The following EIF4G3 variants were observed in gnomAD, a reference collection of about 807,000 sequenced individuals.
EIF4G3 encodes eukaryotic translation initiation factor 4 gamma 3.
In EIF4G3, 34 loss-of-function variants were observed where a neutral mutation model predicts 186.4. The ratio of observed to expected loss-of-function variants is 0.18; its 90% CI spans 0.14 to 0.24. EIF4G3 has a LOEUF of 0.24. Among genes scored for constraint, EIF4G3 ranks in the 10% least tolerant of loss-of-function variants. The probability of loss-of-function intolerance (pLI) is 1.00; values close to 1 mark genes in which losing one functional copy is unlikely to be tolerated. For missense variants in EIF4G3, 1,536 were observed against 1,948.5 expected (o/e 0.79, Z 3.99); for synonymous variants, 673 against 679.5 (o/e 0.99, Z 0.15).
intron 10 of EIF4G3, among the ~76,000 whole-genome samples, chr1:20,977,421 G>C (rs192841323): frequency 6.6e-6 from 1 of 151,898 alleles, no homozygotes. Flanking sequence ...TCCTGACCTC[G>C]GGTGATCCAC....
At chr1:21,131,128 T>C (rs2097143973) in intron 2 of EIF4G3, among the ~76,000 whole-genome samples, 1 of 151,384 alleles carries the variant, frequency 6.6e-6, no homozygotes. Context: ...TAATCCCAGC[T>C]ACTCAGGAGG....
intron 2 of EIF4G3, among the ~76,000 whole-genome samples, chr1:21,108,194 T>C (rs1354724640): frequency 6.6e-6 from 1 of 152,104 alleles, no homozygotes; most frequent in Admixed American, 6.5e-5. Context: ...TTTGAAAGAA[T>C]AAACAAAGAA....
At chr1:20,844,394 A>C (rs371009059) in intron 29 of EIF4G3, among the ~76,000 whole-genome samples, 29 of 152,168 alleles carry the variant, frequency 1.9e-4, no homozygotes, top group African/African-American at 6.3e-4. Flanking sequence ...TTTCTCTAAT[A>C]ATCAGTGATA....
rs540859061 is a variant in EIF4G3, at chr1:20,887,660, A to C, written c.2254-1289T>G. 3.6e-4 allele frequency among the ~76,000 whole-genome samples: 55 copies of C among 152,184 alleles called. 1 individual carries two copies. The highest frequency in any genetic ancestry group is 1.3e-3 in the Admixed American group (20 of 15,288). On this transcript the variant is annotated intron_variant, in intron 18 of 36. Transcript: ENST00000602326. ...ATTATTTGATAAACATTAAAAAAAA[A>C]AAACAAACAGGTCAGATAAACCCAG... is the stretch of plus-strand genomic sequence containing the variant.
intron 2 of EIF4G3, among the ~76,000 whole-genome samples, chr1:21,109,453 C>T (rs1318697215): frequency 6.6e-6 from 1 of 152,058 alleles, no homozygotes; most frequent in African/African-American, 2.4e-5. Flanking sequence ...CAGACGAGCA[C>T]AGGCAACCTA....
intron 10 of EIF4G3, among the ~76,000 whole-genome samples, chr1:20,977,272 C>T (rs1212545007): frequency 6.6e-6 from 1 of 151,890 alleles, no homozygotes; most frequent in African/African-American, 2.4e-5. Context: ...CTGCAACCTC[C>T]GCCTCCTGGG....
rs1321111855 is a variant in EIF4G3 at position 21,030,899 on chromosome 1, G to A, written c.-67+19967C>T. 2.0e-5 allele frequency among the ~76,000 whole-genome samples: 3 copies of A among 152,044 alleles called. No individual in the cohort carries two copies. In the East Asian group the frequency reaches 5.8e-4, roughly 29 times the overall value. On this transcript the variant is annotated intron_variant, in intron 4 of 36. Coordinates refer to ENST00000602326, the MANE Select transcript of EIF4G3 (RefSeq NM_001391906.1). ...GGAGGCAAAGAATGGGAAGAAAAAAGGATCAGCCGGGTGTGGTGGCTCATG... is the reference window on the plus strand; with the variant it reads ...GGAGGCAAAGAATGGGAAGAAAAAAAGATCAGCCGGGTGTGGTGGCTCATG...
intron 2 of EIF4G3, among the ~76,000 whole-genome samples, chr1:21,115,667 T>C (rs1329983407): frequency 6.6e-6 from 1 of 152,184 alleles, no homozygotes; most frequent in Admixed American, 6.5e-5. Context: ...GATATACAGC[T>C]CTCTGTATAC....
At chr1:21,126,330 C>T (rs535930864) in intron 2 of EIF4G3, among the ~76,000 whole-genome samples, 16 of 151,380 alleles carry the variant, frequency 1.1e-4, no homozygotes, top group African/African-American at 3.9e-4. Context: ...CTCTTAACCA[C>T]AATACTACAT....
At position 21,083,349 on chromosome 1, in the gene EIF4G3, A is replaced by AT. The variant is rs1009016944; in HGVS notation, c.-196+5788dup. 5.5e-3 allele frequency among the ~76,000 whole-genome samples: 822 copies of AT among 148,880 alleles called. 7 individuals are homozygous for AT. Among genetic ancestry groups the AT allele is most frequent in the African/African-American group, 0.018 (745 of 40,778 alleles). On this transcript the variant is annotated intron_variant, in intron 3 of 36. Transcript: ENST00000602326. Reference sequence around the variant, plus strand: ...TAAAACATAATATATACACAAACACATTTTTTTTTTGGAGACAACGGTTTC... The same window carrying AT: ...TAAAACATAATATATACACAAACACATTTTTTTTTTTGGAGACAACGGTTTC...
intron 3 of EIF4G3, among the ~76,000 whole-genome samples, chr1:21,068,375 TAAAAAAAAAAAA>T (rs869306512): frequency 3.5e-4 from 24 of 67,834 alleles, no homozygotes; most frequent in South Asian, 6.4e-4. Flanking sequence ...ACTCTGTCTT[TAAAAAAAAAAAA>T]AAAAAAAAAA....
chr1:20,977,154 C>G (rs1021958511), intron 10 of EIF4G3, among the ~76,000 whole-genome samples: 2 of 150,714 alleles, frequency 1.3e-5, no homozygotes, highest in Non-Finnish European at 2.9e-5. Context: ...GGGAGAGAAA[C>G]TGGCTATTTC....
chr1:20,900,524 A>AG (rs1334093868), intron 15 of EIF4G3, among the ~76,000 whole-genome samples: 8 of 147,608 alleles, frequency 5.4e-5, no homozygotes, highest in Admixed American at 2.1e-4. Context: ...AAAAAAAAAA[A>AG]AGAGAGAGAG....
In EIF4G3 at chr1:20,933,547, CAG is replaced by C. The variant is rs560769130; in HGVS notation, c.1663+7942_1663+7943del. On this transcript the variant is annotated intron_variant, in intron 14 of 36. Coordinates refer to ENST00000602326, the MANE Select transcript of EIF4G3 (RefSeq NM_001391906.1). Reference sequence around the variant, plus strand: ...GTGCGCACCTGTAATCCCAGCTACTCAGGGGGCTGAGGGAGGAGAATCACTTG... The same window carrying C: ...GTGCGCACCTGTAATCCCAGCTACTCGGGGCTGAGGGAGGAGAATCACTTG... Among the ~76,000 whole-genome samples the C allele has an allele frequency of 5.7e-3, 869 of 152,064 alleles. 8 individuals carry two copies. The highest frequency in any genetic ancestry group is 7.6e-3 in the Non-Finnish European group (519 of 67,966).
chr1:20,843,793 G>C (rs548850084), intron 29 of EIF4G3, among the ~76,000 whole-genome samples: 3 of 152,036 alleles, frequency 2.0e-5, no homozygotes, highest in Non-Finnish European at 2.9e-5. Context: ...TCCTGATCCT[G>C]TCTCTCTCCT....
intron 3 of EIF4G3, 48 bp from the exon 4 acceptor site, chr1:21,051,042 T>A (rs750374656): frequency 1.4e-6 from 1 of 713,486 alleles, no homozygotes. Flanking sequence ...AGTAAATCAA[T>A]CTTAATAAAT....
intron 3 of EIF4G3, among the ~76,000 whole-genome samples, chr1:21,075,015 CA>C (rs1315816971): frequency 6.6e-6 from 1 of 150,978 alleles, no homozygotes. Context: ...ATCAGATACA[CA>C]AAGAAGAAAG....
At chr1:20,974,214 C>T (rs564440839) in intron 10 of EIF4G3, among the ~76,000 whole-genome samples, 3 of 152,300 alleles carry the variant, frequency 2.0e-5, no homozygotes, top group Non-Finnish European at 2.9e-5. Context: ...GTATGAGTTA[C>T]AGTTATCCAT....
At chr1:21,091,918 T>A (rs1477481601) in intron 2 of EIF4G3, among the ~76,000 whole-genome samples, 1 of 152,206 alleles carries the variant, frequency 6.6e-6, no homozygotes, top group East Asian at 1.9e-4. Flanking sequence ...TTTCTAAATA[T>A]ACAATCACGT....
Sources: gnomAD v4.1 joint callset for allele counts (sites outside exome capture counted in the v4.1 genomes callset) on GRCh38, gnomAD v4.1.1 for gene constraint, MANE v1.5 for transcripts, NCBI Gene and HGNC (gene_info 2026-07-23, HGNC 2026-07-21) for gene names.